Variants in SATB1 observed in about 807,000 individuals in gnomAD.
SATB1 encodes DNA-binding protein SATB1.
In SATB1, 11 loss-of-function variants were observed where a neutral mutation model predicts 86.9. The ratio of observed to expected loss-of-function variants is 0.13; its 90% confidence interval spans 0.08 to 0.21. The LOEUF is 0.21. Ranked by LOEUF, SATB1 falls within the 10% of genes least tolerant of loss-of-function variation. The probability of loss-of-function intolerance (pLI) is 1.00; values close to 1 mark genes in which losing one functional copy is unlikely to be tolerated. For synonymous variants in SATB1, 357 were observed against 357.2 expected, an observed-to-expected ratio of 1.00 and a Z score of 0.01; for missense variants, 551 against 937.6, an observed-to-expected ratio of 0.59 and a Z score of 5.39.
intron 2 of SATB1, among the ~76,000 whole-genome samples, chr3:18,419,106 T>C (rs762873623): frequency 7.9e-5 from 12 of 152,208 alleles, no homozygotes; most frequent in Admixed American, 2.6e-4. Context: ...ATTGGATTTA[T>C]TGTGGATTTT....
intron 5 of SATB1, among the ~76,000 whole-genome samples, chr3:18,399,520 TAG>T (rs1297953078): frequency 6.6e-6 from 1 of 152,194 alleles, no homozygotes; most frequent in Non-Finnish European, 1.5e-5. Context: ...TTTATAAAAC[TAG>T]AACCTATATG....
chr3:18,368,294 G>T (rs1695290090), intron 9 of SATB1, among the ~76,000 whole-genome samples: 1 of 152,130 alleles, frequency 6.6e-6, no homozygotes, highest in African/African-American at 2.4e-5. Context: ...GATTAAGATG[G>T]GAGAAACAAA....
Position 18,417,750 on chromosome 3 carries a change from T to C in SATB1, c.212-672A>G, listed in dbSNP as rs539819317. The C allele has an allele frequency of 1.5e-4, 101 of 679,216 alleles. 1 individual carries two copies. In the African/African-American group the frequency reaches 1.6e-3, roughly 11 times the overall value. The allele number at this position is 679,216 out of a possible 1,614,324, so 42.1% of individuals were successfully genotyped here. A position where few individuals can be genotyped will look rare whatever the true frequency, so the allele number is the denominator to read the frequency against. ...TGCTTTTATGAATACTCATTTAACCTACCTAACTAAAAAGAGAGCACGGTA... is the reference window on the plus strand; with the variant it reads ...TGCTTTTATGAATACTCATTTAACCCACCTAACTAAAAAGAGAGCACGGTA... On this transcript the variant is annotated intron_variant, in intron 2 of 10. Transcript: ENST00000338745.
At chr3:18,404,734 A>G (rs1345905902) in intron 5 of SATB1, among the ~76,000 whole-genome samples, 1 of 152,002 alleles carries the variant, frequency 6.6e-6, no homozygotes, top group Non-Finnish European at 1.5e-5. Flanking sequence ...TTCTGACCAG[A>G]TTCTCTATTC....
At chr3:18,369,276 C>T (rs924122059) in intron 9 of SATB1, among the ~76,000 whole-genome samples, 2 of 151,554 alleles carry the variant, frequency 1.3e-5, no homozygotes, top group East Asian at 3.9e-4. Flanking sequence ...AAACATAATA[C>T]GGCATAGAAT....
In SATB1 at chr3:18,347,726, A is replaced by T. The variant is rs1694130659; in HGVS notation, c.*1444T>A. The T allele has an allele frequency of 6.6e-6, 1 of 152,190 alleles. No homozygotes were observed. Among genetic ancestry groups the T allele is most frequent in the Admixed American group, 6.5e-5 (1 of 15,282 alleles). The allele number at this position is 152,190 out of a possible 1,614,324, so 9.4% of individuals were successfully genotyped here. On this transcript the variant is annotated 3_prime_UTR_variant, in exon 11 of 11. Transcript: ENST00000338745. ...CATCCTATCTCTACTTATTAAGCAA[A>T]ATGTTAACCAAACAGGTTATTTTCA... is the stretch of plus-strand genomic sequence containing the variant.
chr3:18,433,247 A>C (rs934300954), intron 2 of SATB1, among the ~76,000 whole-genome samples: 1 of 152,170 alleles, frequency 6.6e-6, no homozygotes, highest in Non-Finnish European at 1.5e-5. Flanking sequence ...CATGAAATAG[A>C]TTTTCTCTGT....
At position 18,434,018 on chromosome 3, in the gene SATB1, T is replaced by C. The variant is rs557879588; in HGVS notation, c.-25+2771A>G. 3.9e-5 allele frequency among the ~76,000 whole-genome samples: 6 copies of C among 152,210 alleles called. No individual in the cohort carries two copies. In the South Asian group the frequency reaches 1.0e-3, roughly 26 times the overall value. Reference sequence around the variant, plus strand: ...TAAATACACTTGAGAGAGAAACAAATAGCACATTTATGAAAAATTTTGATG... The same window carrying C: ...TAAATACACTTGAGAGAGAAACAAACAGCACATTTATGAAAAATTTTGATG... On this transcript the variant is annotated intron_variant, in intron 2 of 3. Transcript: ENST00000414509.
chr3:18,411,204 C>CTG, intron 5 of SATB1: 3 of 320,276 alleles, frequency 9.4e-6, no homozygotes, highest in Non-Finnish European at 1.7e-5. Context: ...GATATCTTTT[C>CTG]CAGGTGAGAA....
intron 9 of SATB1, among the ~76,000 whole-genome samples, chr3:18,377,566 G>A (rs1392418904): frequency 6.6e-6 from 1 of 152,120 alleles, no homozygotes; most frequent in Non-Finnish European, 1.5e-5. Context: ...CTATTCAGCT[G>A]TAATTCAGGG....
intron 8 of SATB1, among the ~76,000 whole-genome samples, chr3:18,385,630 A>AG (rs1163602869): frequency 2.6e-5 from 4 of 151,510 alleles, no homozygotes; most frequent in Non-Finnish European, 2.9e-5. Flanking sequence ...CTCAAAAGAA[A>AG]AAAAAAAAAA....
chr3:18,351,508 T>C (rs1694361079), intron 10 of SATB1: 1 of 839,982 alleles, frequency 1.2e-6, no homozygotes, highest in African/African-American at 1.7e-5. Flanking sequence ...GGCCAAGGAC[T>C]GTAAGGCAAG....
intron 7 of SATB1, among the ~76,000 whole-genome samples, chr3:18,387,301 C>A (rs1696394300): frequency 6.6e-6 from 1 of 152,118 alleles, no homozygotes; most frequent in Non-Finnish European, 1.5e-5. Context: ...ACTTTAAAAA[C>A]CATAGACAAG....
intron 1 of SATB1, among the ~76,000 whole-genome samples, chr3:18,422,923 T>C (rs1324253728): frequency 6.6e-6 from 1 of 152,184 alleles, no homozygotes; most frequent in East Asian, 1.9e-4. Flanking sequence ...ATCTAAAGTA[T>C]CATATAGGTC....
At chr3:18,381,170 C>T (rs887865587) in intron 8 of SATB1, among the ~76,000 whole-genome samples, 1 of 152,156 alleles carries the variant, frequency 6.6e-6, no homozygotes, top group Non-Finnish European at 1.5e-5. Flanking sequence ...AATTGTGCCG[C>T]AGGACACACA....
At chr3:18,432,345 C>A (rs1026016787) in intron 2 of SATB1, among the ~76,000 whole-genome samples, 2 of 152,164 alleles carry the variant, frequency 1.3e-5, no homozygotes, top group Admixed American at 6.5e-5. Context: ...ACATATCAAC[C>A]AAATTTCCTT....
At position 18,394,356 on chromosome 3, in the gene SATB1, G is replaced by C. The variant is rs1575134777; in HGVS notation, c.1206+106C>G. 5.4e-6 allele frequency: 5 copies of C among 932,504 alleles called. No individual in the cohort carries two copies. In the East Asian group the frequency reaches 9.8e-5, roughly 18 times the overall value. 57.8% of individuals were successfully genotyped at this position (932,504 alleles called of 1,614,324 possible). ...GGTAATATGATCACATGAAGAGAGA[G>C]AGAAAATGTTAGTACAGAAGTAAAA... On this transcript the variant is annotated intron_variant, in intron 7 of 10. Coordinates refer to ENST00000338745, the MANE Select transcript of SATB1 (RefSeq NM_002971.6). This position sits in a 1 kb window ranked among gnomAD's most constrained non-coding sequence, Gnocchi z 5.9.
chr3:18,425,372 AG>A, upstream of SATB1: 1 of 141,056 alleles, frequency 7.1e-6, no homozygotes, highest in Non-Finnish European at 1.5e-5. Flanking sequence ...GAGGAGGAGG[AG>A]GGGGGAGGAG....
chr3:18,375,041 G>T (rs1488927550), intron 9 of SATB1, among the ~76,000 whole-genome samples: 1 of 152,056 alleles, frequency 6.6e-6, no homozygotes, highest in Non-Finnish European at 1.5e-5. Flanking sequence ...CCTCCATTAG[G>T]TATGATAGAG....
Sources: allele counts gnomAD v4.1 joint callset (sites outside exome capture counted in the v4.1 genomes callset), GRCh38; gene constraint gnomAD v4.1.1; non-coding constraint Gnocchi (gnomAD v3.1); transcripts MANE v1.5; gene names NCBI Gene and HGNC (gene_info 2026-07-23, HGNC 2026-07-21).